SNX29: variants seen among roughly 807,000 people sequenced by gnomAD.
The protein encoded by SNX29 is sorting nexin-29.
SNX29 carries 78 observed loss-of-function variants against 102.1 expected under a neutral mutation model. The ratio of observed to expected loss-of-function variants is 0.76; its 90% confidence interval spans 0.64 to 0.92. The LOEUF (loss-of-function observed/expected upper bound fraction) is 0.92. Ranked by LOEUF, SNX29 falls within the 40% of genes least tolerant of loss-of-function variation. The pLI, the probability that SNX29 is intolerant of heterozygous loss-of-function variation, is 0.00. For synonymous variants in SNX29, 580 were observed against 414.5 expected (o/e 1.40, Z -4.85); for missense variants, 1,280 against 1,061.7 (o/e 1.21, Z -2.86).
intron 9 of SNX29, 54 bp downstream of exon 9, chr16:12,061,700 C>T (rs768582567): frequency 6.7e-7 from 1 of 1,485,928 alleles, no homozygotes; most frequent in Non-Finnish European, 9.2e-7. Context: ...GCTTCGAGAA[C>T]CAGCAGGAAT....
At chr16:12,378,939 A>G (rs1049143500) in intron 16 of SNX29, among the ~76,000 whole-genome samples, 4 of 152,168 alleles carry the variant, frequency 2.6e-5, no homozygotes, top group African/African-American at 9.7e-5. Context: ...GAACCATGTT[A>G]GTTAATTGAC....
At chr16:12,069,179 T>A in intron 10 of SNX29, 47 bp downstream of exon 10, 1 of 1,501,648 alleles carries the variant, frequency 6.7e-7, no homozygotes, top group South Asian at 1.2e-5. Context: ...AACATCCTAT[T>A]CACAGCTGTG....
chr16:12,378,234 G>A (rs1249768666), intron 16 of SNX29, among the ~76,000 whole-genome samples: 1 of 152,122 alleles, frequency 6.6e-6, no homozygotes, highest in Non-Finnish European at 1.5e-5. Flanking sequence ...ATCTGGTGAG[G>A]GTGTTTCCAC....
At chr16:12,043,174 G>A (rs190188372) in intron 5 of SNX29, 97 bp downstream of exon 5, 6 of 1,467,380 alleles carry the variant, frequency 4.1e-6, no homozygotes, top group Admixed American at 1.9e-5. Flanking sequence ...CTAGTTCCCC[G>A]ATCTGGGGGA....
intron 16 of SNX29, among the ~76,000 whole-genome samples, chr16:12,362,726 G>C (rs887337901): frequency 6.6e-6 from 1 of 151,910 alleles, no homozygotes; most frequent in Non-Finnish European, 1.5e-5. Flanking sequence ...AATCCTCCCT[G>C]AAGCCCTGAC....
chr16:12,277,375 C>A (rs565783307), intron 14 of SNX29, among the ~76,000 whole-genome samples: 1 of 152,078 alleles, frequency 6.6e-6, no homozygotes, highest in African/African-American at 2.4e-5. Context: ...CACTATACTC[C>A]AGCCTGGGTG....
intron 20 of SNX29, among the ~76,000 whole-genome samples, chr16:12,554,778 T>A (rs937142979): frequency 3.3e-5 from 5 of 151,986 alleles, no homozygotes; most frequent in African/African-American, 1.2e-4. Flanking sequence ...TCCCCCGCCA[T>A]AGAATGCAAT....
intron 13 of SNX29, among the ~76,000 whole-genome samples, chr16:12,134,901 A>ATGAGCCAATTATGAGCCAATTATG (rs2054604625): frequency 6.6e-6 from 1 of 152,220 alleles, no homozygotes; most frequent in Non-Finnish European, 1.5e-5. Context: ...TCATATAATT[A>ATGAGCCAATTATGAGCCAATTATG]TGGGGGCCAA....
chr16:12,145,461 G>T (rs1005991752), intron 13 of SNX29, among the ~76,000 whole-genome samples: 1 of 151,978 alleles, frequency 6.6e-6, no homozygotes, highest in Non-Finnish European at 1.5e-5. Context: ...TAATGTGTAC[G>T]TTCGAATCCT....
chr16:12,524,886 T>C, intron 20 of SNX29, 45 bp downstream of exon 20: 1 of 1,594,142 alleles, frequency 6.3e-7, no homozygotes, highest in Non-Finnish European at 8.6e-7. Context: ...CCTGCCAGCA[T>C]TTTTTTCTCG....
At chr16:12,554,774 G>C (rs11641620) in intron 20 of SNX29, among the ~76,000 whole-genome samples, 59,380 of 148,048 alleles carry the variant, frequency 0.4, 12,928 homozygotes, top group East Asian at 0.85. Flanking sequence ...TCTCTCCCCC[G>C]CCATAGAATG....
chr16:12,198,246 G>A (rs1467345733), intron 13 of SNX29, among the ~76,000 whole-genome samples: 2 of 152,038 alleles, frequency 1.3e-5, no homozygotes, highest in Non-Finnish European at 2.9e-5. Flanking sequence ...GTAAACAAGG[G>A]AAAAAAGCCT....
intron 13 of SNX29, among the ~76,000 whole-genome samples, chr16:12,192,223 C>T (rs1241460718): frequency 2.6e-5 from 4 of 152,202 alleles, no homozygotes; most frequent in Admixed American, 2.6e-4. Context: ...CAATGATTTG[C>T]TTTCGTTCCC....
intron 14 of SNX29, among the ~76,000 whole-genome samples, chr16:12,230,286 C>G (rs907911268): frequency 6.6e-6 from 1 of 152,178 alleles, no homozygotes; most frequent in Non-Finnish European, 1.5e-5. Context: ...TCTGACTTCC[C>G]GTTTGGGCAA....
chr16:12,092,038 C>T (rs1001000683), intron 11 of SNX29, among the ~76,000 whole-genome samples: 13 of 152,306 alleles, frequency 8.5e-5, no homozygotes, highest in African/African-American at 3.1e-4. Context: ...CCCTCTTTCC[C>T]TGGCCGTCCA....
chr16:12,490,287 G>A (rs1340728131), intron 19 of SNX29, among the ~76,000 whole-genome samples: 1 of 152,154 alleles, frequency 6.6e-6, no homozygotes, highest in East Asian at 1.9e-4. Context: ...ATACCATAGT[G>A]TGCTTTTGCC....
chr16:12,277,662 C>T (rs2079296852), intron 14 of SNX29, among the ~76,000 whole-genome samples: 1 of 152,088 alleles, frequency 6.6e-6, no homozygotes, highest in Admixed American at 6.6e-5. Flanking sequence ...GCAGCCTCGA[C>T]CTCCTGGGCT....
chr16:12,516,801 A>C (rs2089886482), intron 19 of SNX29, among the ~76,000 whole-genome samples: 2 of 152,204 alleles, frequency 1.3e-5, no homozygotes, highest in African/African-American at 4.8e-5. Flanking sequence ...GGGGAGCGGG[A>C]CATGCGTTGC....
intron 19 of SNX29, among the ~76,000 whole-genome samples, chr16:12,510,596 C>A (rs1400349396): frequency 6.6e-6 from 1 of 151,964 alleles, no homozygotes; most frequent in East Asian, 1.9e-4. Context: ...TCGCTGGAAC[C>A]CCGGAGGCAG....
Sources: gnomAD v4.1 joint callset for allele counts (sites outside exome capture counted in the v4.1 genomes callset) on GRCh38, gnomAD v4.1.1 for gene constraint, MANE v1.5 for transcripts, NCBI Gene and HGNC (gene_info 2026-07-23, HGNC 2026-07-21) for gene names.